ERC2: variants seen among roughly 807,000 people sequenced by gnomAD.
ERC2 encodes ELKS/RAB6-interacting/CAST family member 2, also known as ERC protein 2.
ERC2 carries 42 observed loss-of-function variants against 114.8 expected under a neutral mutation model. The observed-to-expected ratio is 0.37, with a 90% CI of 0.29 to 0.47. The LOEUF is 0.47. Among genes scored for constraint, ERC2 ranks in the 20% least tolerant of loss-of-function variants. The probability of loss-of-function intolerance (pLI) is 0.99; values close to 1 mark genes in which losing one functional copy is unlikely to be tolerated. For synonymous variants in ERC2, 454 were observed against 425.5 expected, an observed-to-expected ratio of 1.07 and a Z score of -0.82; for missense variants, 939 against 1,150.7, an observed-to-expected ratio of 0.82 and a Z score of 2.66.
intron 3 of ERC2, among the ~76,000 whole-genome samples, chr3:56,278,687 G>C (rs562329040): frequency 2.6e-5 from 4 of 152,326 alleles, no homozygotes; most frequent in African/African-American, 9.6e-5. Context: ...CCTGACACAG[G>C]CATCTGCTCA....
intron 2 of ERC2, among the ~76,000 whole-genome samples, chr3:56,313,517 A>T (rs2056721086): frequency 6.6e-6 from 1 of 152,200 alleles, no homozygotes; most frequent in Non-Finnish European, 1.5e-5. Context: ...AACAGAAAAC[A>T]ACTTGGCCTG....
At chr3:56,202,484 G>A (rs2048461464) in intron 3 of ERC2, among the ~76,000 whole-genome samples, 1 of 146,544 alleles carries the variant, frequency 6.8e-6, no homozygotes, top group Admixed American at 7.0e-5. Flanking sequence ...GGTATTCTGA[G>A]CATCTCTAAA....
At chr3:56,373,275 A>T (rs1415924019) in intron 2 of ERC2, among the ~76,000 whole-genome samples, 1 of 152,224 alleles carries the variant, frequency 6.6e-6, no homozygotes, top group East Asian at 1.9e-4. Flanking sequence ...CCAGGCCGAT[A>T]TTCACCAAAA....
chr3:55,723,947 T>A (rs1303573709), intron 15 of ERC2, among the ~76,000 whole-genome samples: 4 of 151,856 alleles, frequency 2.6e-5, no homozygotes, highest in Non-Finnish European at 5.9e-5. Context: ...AATGATAAGG[T>A]GAAGACAGGC....
At chr3:56,466,569 C>T (rs1427066956) in intron 1 of ERC2, among the ~76,000 whole-genome samples, 4 of 152,146 alleles carry the variant, frequency 2.6e-5, no homozygotes, top group Non-Finnish European at 5.9e-5. Flanking sequence ...AAAAGGCAAA[C>T]TCTACTACTC....
At chr3:55,841,381 C>T (rs1011729882) in intron 14 of ERC2, among the ~76,000 whole-genome samples, 40 of 152,142 alleles carry the variant, frequency 2.6e-4, no homozygotes, top group African/African-American at 8.4e-4. Context: ...CACTCTCTTG[C>T]CTGCTGCCAT....
chr3:55,558,328 T>A (rs1476155523), intron 17 of ERC2, among the ~76,000 whole-genome samples: 1 of 152,160 alleles, frequency 6.6e-6, no homozygotes, highest in Non-Finnish European at 1.5e-5. Context: ...CAGGTATGAA[T>A]AAAAGAACCC....
chr3:55,984,753 G>A (rs545609190), intron 12 of ERC2, among the ~76,000 whole-genome samples: 10 of 152,234 alleles, frequency 6.6e-5, no homozygotes, highest in East Asian at 1.9e-4. Flanking sequence ...TGAGAATGAC[G>A]CTTTCCTGCA....
chr3:55,513,608 G>A (rs763332596), intron 17 of ERC2, among the ~76,000 whole-genome samples: 11 of 150,178 alleles, frequency 7.3e-5, no homozygotes, highest in Non-Finnish European at 1.2e-4. Flanking sequence ...CCAATAGAGC[G>A]TGTGTGCATG....
At chr3:55,512,587 A>C (rs1488832672) in intron 17 of ERC2, among the ~76,000 whole-genome samples, 2 of 152,248 alleles carry the variant, frequency 1.3e-5, no homozygotes, top group Non-Finnish European at 2.9e-5. Context: ...AAGTAGTATT[A>C]AAATGCACCA....
intron 2 of ERC2, among the ~76,000 whole-genome samples, chr3:56,335,833 G>A (rs1412573187): frequency 6.6e-6 from 1 of 152,102 alleles, no homozygotes; most frequent in Non-Finnish European, 1.5e-5. Context: ...TCGGCTGAAT[G>A]AAAAAAGTGT....
In ERC2 at chr3:55,550,365, T is replaced by C. The variant is rs140478324; in HGVS notation, c.*40-39089A>G. On this transcript the variant is annotated intron_variant, in intron 17 of 17. Transcript: ENST00000288221. The stretch of plus-strand genomic sequence containing the variant: ...TCTCACTTAGTTCCATCTCTTTCAC[T>C]GAAATGTAAGCTGCTTGAGGGCAGG... Among the ~76,000 whole-genome samples the C allele has an allele frequency of 2.1e-3, 316 of 152,326 alleles. 2 individuals are homozygous for C. Among genetic ancestry groups the C allele is most frequent in the Middle Eastern group, 6.8e-3 (2 of 294 alleles).
intron 3 of ERC2, among the ~76,000 whole-genome samples, chr3:56,217,507 G>T (rs532634464): frequency 2.4e-4 from 36 of 152,282 alleles, no homozygotes; most frequent in African/African-American, 8.4e-4. Flanking sequence ...ACAAATGGAA[G>T]AATATTCCAT....
intron 17 of ERC2, among the ~76,000 whole-genome samples, chr3:55,644,866 T>C (rs1187470487): frequency 1.3e-5 from 2 of 152,050 alleles, no homozygotes; most frequent in African/African-American, 2.4e-5. Flanking sequence ...AAGGAGCCCA[T>C]GACCTTGAAA....
chr3:56,437,352 A>G (rs1368738093), intron 1 of ERC2, among the ~76,000 whole-genome samples: 1 of 152,254 alleles, frequency 6.6e-6, no homozygotes, highest in Non-Finnish European at 1.5e-5. Flanking sequence ...GAGCGAGCCC[A>G]GCTGAGATCA....
At position 55,938,195 on chromosome 3, in the gene ERC2, G is replaced by A. The variant is rs141208142; in HGVS notation, c.2403+12230C>T. On this transcript the variant is annotated intron_variant, in intron 13 of 17. Coordinates refer to ENST00000288221, the MANE Select transcript of ERC2 (RefSeq NM_015576.3). ...GAGCCCAACATGATGCCTGTGGAAT[G>A]AATGAATAGATTAAAACTTTCATTT... is the stretch of plus-strand genomic sequence containing the variant. Among the ~76,000 whole-genome samples, 11 of 151,192 alleles carry A rather than the reference G, an allele frequency of 7.3e-5. No individual in the cohort carries two copies. The East Asian group carries it at 2.1e-3, about 29-fold the overall frequency.
chr3:56,376,658 G>A (rs1216827606), intron 2 of ERC2, among the ~76,000 whole-genome samples: 3 of 152,004 alleles, frequency 2.0e-5, no homozygotes, highest in Non-Finnish European at 2.9e-5. Context: ...AGCTACTCAG[G>A]AGGCTGAGGC....
At chr3:56,406,347 T>A (rs1032605057) in intron 2 of ERC2, among the ~76,000 whole-genome samples, 2 of 152,204 alleles carry the variant, frequency 1.3e-5, no homozygotes, top group African/African-American at 4.8e-5. Context: ...CTGAACACTA[T>A]ACCTCCTTCT....
chr3:56,347,173 A>C (rs1295330481), intron 2 of ERC2, among the ~76,000 whole-genome samples: 1 of 152,230 alleles, frequency 6.6e-6, no homozygotes, highest in Non-Finnish European at 1.5e-5. Context: ...TTATGTTTGC[A>C]AAACTGGAAC....
Sources: gnomAD v4.1 joint callset for allele counts (sites outside exome capture counted in the v4.1 genomes callset) on GRCh38, gnomAD v4.1.1 for gene constraint, MANE v1.5 for transcripts, NCBI Gene and HGNC (gene_info 2026-07-23, HGNC 2026-07-21) for gene names.